TACC2: variants seen among roughly 807,000 people sequenced by gnomAD.
TACC2 encodes transforming acidic coiled-coil containing protein 2, also known as transforming acidic coiled-coil-containing protein 2.
A neutral mutation model predicts 227.3 loss-of-function variants in TACC2; 137 were observed. The ratio of observed to expected loss-of-function variants is 0.60; its 90% CI spans 0.52 to 0.69. The LOEUF is 0.69. Ranked by LOEUF, TACC2 falls within the 30% of genes least tolerant of loss-of-function variation. The pLI is 0.00. For missense variants in TACC2, 3,470 were observed against 3,694.4 expected (o/e 0.94, Z 1.57); for synonymous variants, 1,523 against 1,487.5 (o/e 1.02, Z -0.55).
chr10:122,195,209 CTG>C, intron 8 of TACC2, 33 bp downstream of exon 8: 1 of 1,576,570 alleles, frequency 6.3e-7, no homozygotes, highest in Non-Finnish European at 8.6e-7. Flanking sequence ...CCAGACAGCC[CTG>C]TAGAGTTGTG....
In TACC2 at chr10:121,993,935, C is replaced by T. The variant is rs559384503; in HGVS notation, c.-46+4447C>T. ...ATAGACGTAAGCCACCACACCCAGC[C>T]CCTTTCTTTTTTCTTTACATAAACA... On this transcript the variant is annotated intron_variant, in intron 1 of 22. Coordinates refer to ENST00000369005, the MANE Select transcript of TACC2 (RefSeq NM_206862.4). Among the ~76,000 whole-genome samples the T allele has an allele frequency of 1.0e-3, 157 of 152,244 alleles. 1 individual carries two copies. The highest frequency in any genetic ancestry group is 1.8e-3 in the Admixed American group (27 of 15,274).
rs1232376068 is a variant in TACC2 at position 122,033,049 on chromosome 10, G to T, written c.33+11035G>T. On this transcript the variant is annotated intron_variant, in intron 2 of 22. Coordinates refer to ENST00000369005, the MANE Select transcript of TACC2 (RefSeq NM_206862.4). ...CACCAAAGATTGTCCATCTGGTCCT[G>T]TTCCCTGCGACCTGTCCTAACGGTG... The T allele has an allele frequency of 8.2e-6, 10 of 1,218,168 alleles. No individual in the cohort carries two copies. In the African/African-American group the frequency reaches 1.6e-4, roughly 19 times the overall value. 75.5% of individuals were successfully genotyped at this position (1,218,168 alleles called of 1,614,324 possible).
Position 122,231,134 on chromosome 10 carries a change from A to G in TACC2, c.8127+694A>G, listed in dbSNP as rs2095737636. On this transcript the variant is annotated intron_variant, in intron 16 of 22. Coordinates refer to ENST00000369005, the MANE Select transcript of TACC2 (RefSeq NM_206862.4). ...TTCCCAATTCCTAGTTTTAGCATGG[A>G]GTATGACATTGACAGGGCATGCAGA... Among the ~76,000 whole-genome samples the G allele has an allele frequency of 2.0e-5, 3 of 152,350 alleles. No individual in the cohort carries two copies. The South Asian group carries it at 6.2e-4, about 32-fold the overall frequency.
At chr10:122,098,040 GGGTA>G (rs1348571321) in intron 5 of TACC2, among the ~76,000 whole-genome samples, 1 of 152,114 alleles carries the variant, frequency 6.6e-6, no homozygotes, top group Non-Finnish European at 1.5e-5. Flanking sequence ...ATGGTTAGGT[GGGTA>G]GGTAGGTAGG....
At chr10:122,220,198 C>T (rs2095496892) in intron 11 of TACC2, among the ~76,000 whole-genome samples, 1 of 151,826 alleles carries the variant, frequency 6.6e-6, no homozygotes, top group African/African-American at 2.4e-5. Flanking sequence ...TAATATATAC[C>T]TCATTCAATG....
chr10:122,039,948 C>T (rs771604437), intron 2 of TACC2, among the ~76,000 whole-genome samples: 70 of 150,888 alleles, frequency 4.6e-4, no homozygotes, highest in Middle Eastern at 6.8e-3. Flanking sequence ...ATTGGAGGTT[C>T]CTCTTACTGA....
At chr10:122,079,598 C>G (rs181765768) in intron 3 of TACC2, among the ~76,000 whole-genome samples, 1 of 152,192 alleles carries the variant, frequency 6.6e-6, no homozygotes, top group Non-Finnish European at 1.5e-5. Context: ...GTACATGCCT[C>G]CTTCAGGGAT....
intron 12 of TACC2, among the ~76,000 whole-genome samples, chr10:122,225,236 C>G (rs1041689860): frequency 1.3e-5 from 2 of 152,220 alleles, no homozygotes; most frequent in Non-Finnish European, 2.9e-5. Flanking sequence ...TACCTGCTGC[C>G]CTAGGGCATG....
intron 6 of TACC2, among the ~76,000 whole-genome samples, chr10:122,135,836 C>T (rs2089509078): frequency 1.3e-5 from 2 of 152,218 alleles, no homozygotes; most frequent in Non-Finnish European, 2.9e-5. Context: ...GTGGCTCTGG[C>T]ACTGCAAACA....
chr10:122,106,093 T>C (rs1382544691), intron 5 of TACC2, among the ~76,000 whole-genome samples: 1 of 151,450 alleles, frequency 6.6e-6, no homozygotes, highest in African/African-American at 2.4e-5. Context: ...GTTCAAGCGA[T>C]TCTCCTGCCT....
At chr10:122,208,631 C>T (rs568547780) in intron 8 of TACC2, among the ~76,000 whole-genome samples, 10 of 152,276 alleles carry the variant, frequency 6.6e-5, no homozygotes, top group Non-Finnish European at 1.3e-4. Context: ...AAAGAATCAT[C>T]GAGACATGGG....
Position 122,178,646 on chromosome 10 carries a change from G to A in TACC2, c.5835-16394G>A, listed in dbSNP as rs564743366. Among the ~76,000 whole-genome samples the A allele has an allele frequency of 7.9e-5, 12 of 152,320 alleles. No individual in the cohort carries two copies. In the South Asian group the frequency reaches 1.7e-3, roughly 21 times the overall value. ...CGCCTGTAATCCCAGCACTTTGAGA[G>A]GCCAAGGCAGGTGGATCACTTAAGG... On this transcript the variant is annotated intron_variant, in intron 7 of 22. Coordinates refer to ENST00000369005, the MANE Select transcript of TACC2 (RefSeq NM_206862.4).
At chr10:122,107,978 G>A (rs191590240) in intron 5 of TACC2, among the ~76,000 whole-genome samples, 245 of 142,214 alleles carry the variant, frequency 1.7e-3, no homozygotes, top group African/African-American at 6.1e-3. Context: ...TGCAAGCTCC[G>A]CCTCCTGGGT....
At chr10:122,019,126 G>C (rs1349722603) in intron 1 of TACC2, among the ~76,000 whole-genome samples, 1 of 152,144 alleles carries the variant, frequency 6.6e-6, no homozygotes, top group Admixed American at 6.5e-5. Context: ...TCTTTGGGTC[G>C]GTACTCTGCC....
chr10:122,200,717 G>A (rs866653039), intron 8 of TACC2, among the ~76,000 whole-genome samples: 1 of 86,072 alleles, frequency 1.2e-5, no homozygotes, highest in Non-Finnish European at 2.3e-5. Flanking sequence ...GGAGGACGGC[G>A]ACCTCACCTG....
intron 1 of TACC2, among the ~76,000 whole-genome samples, chr10:122,000,120 G>A (rs1365539106): frequency 1.3e-5 from 2 of 152,310 alleles, no homozygotes; most frequent in East Asian, 1.9e-4. Flanking sequence ...GGCTAAGTTC[G>A]TTGGCTCACG....
intron 9 of TACC2, among the ~76,000 whole-genome samples, chr10:122,214,112 C>T (rs2095352837): frequency 6.6e-6 from 1 of 152,148 alleles, no homozygotes; most frequent in Non-Finnish European, 1.5e-5. Flanking sequence ...CAAAGACATG[C>T]AACTTTTCCC....
chr10:122,205,339 TG>T lies in TACC2; in HGVS notation c.5972-5056del, dbSNP rs2095065813. On this transcript the variant is annotated intron_variant, in intron 8 of 22. Coordinates refer to ENST00000369005, the MANE Select transcript of TACC2 (RefSeq NM_206862.4). This position sits in a 1 kb window ranked among gnomAD's most constrained non-coding sequence, Gnocchi z 4.5. The stretch of plus-strand genomic sequence containing the variant: ...TGGCACGGGCCTCCTGCTCTCTTGC[TG>T]GTCGGTTTTGGGTTTGGTTTCTTGA... Among the ~76,000 whole-genome samples the T allele has an allele frequency of 6.6e-6, 1 of 152,166 alleles. No homozygotes were observed. Among genetic ancestry groups the T allele is most frequent in the African/African-American group, 2.4e-5 (1 of 41,442 alleles).
At chr10:122,036,070 G>A (rs1446130635) in intron 2 of TACC2, among the ~76,000 whole-genome samples, 1 of 152,174 alleles carries the variant, frequency 6.6e-6, no homozygotes, top group Non-Finnish European at 1.5e-5. Flanking sequence ...TTCTGTGACT[G>A]GGTTATTTCA....
Sources: gnomAD v4.1 joint callset for allele counts (sites outside exome capture counted in the v4.1 genomes callset) on GRCh38, gnomAD v4.1.1 for gene constraint, Gnocchi (gnomAD v3.1) non-coding constraint, MANE v1.5 for transcripts, NCBI Gene and HGNC (gene_info 2026-07-23, HGNC 2026-07-21) for gene names.